The following UNC13B variants were observed in gnomAD, a reference collection of about 807,000 sequenced individuals.
The protein encoded by UNC13B is protein unc-13 homolog B.
UNC13B carries 144 observed loss-of-function variants against 211.0 expected under a neutral mutation model. The ratio of observed to expected loss-of-function variants is 0.68; its 90% CI spans 0.60 to 0.78. The LOEUF (loss-of-function observed/expected upper bound fraction) is 0.78, where lower values mean the gene tolerates loss of function less well. Ranked by LOEUF, UNC13B falls within the 30% of genes least tolerant of loss-of-function variation. UNC13B has a pLI of 0.00. For synonymous variants in UNC13B, 709 were observed against 725.8 expected (o/e 0.98, Z 0.37); for missense variants, 1,777 against 2,002.0 (o/e 0.89, Z 2.14).
chr9:35,381,505 G>A (rs1834833944), intron 19 of UNC13B, 51 bp from the exon 20 acceptor site: 2 of 1,556,264 alleles, frequency 1.3e-6, no homozygotes, highest in East Asian at 2.3e-5. Context: ...GTTTGTTTTT[G>A]TCTTTCATAT....
chr9:35,322,534 T>C (rs1830789656), intron 11 of UNC13B, among the ~76,000 whole-genome samples: 1 of 151,904 alleles, frequency 6.6e-6, no homozygotes, highest in Admixed American at 6.6e-5. Flanking sequence ...TCAGGAGAGG[T>C]AGGATTACAG....
chr9:35,201,232 G>A (rs1307665449), intron 1 of UNC13B, among the ~76,000 whole-genome samples: 1 of 152,154 alleles, frequency 6.6e-6, no homozygotes, highest in African/African-American at 2.4e-5. Flanking sequence ...GCTGGATTCG[G>A]TTTGCCAGTA....
intron 1 of UNC13B, among the ~76,000 whole-genome samples, chr9:35,225,187 G>T (rs941383941): frequency 1.5e-4 from 23 of 152,006 alleles, no homozygotes; most frequent in African/African-American, 5.1e-4. Context: ...TTGAGACAGG[G>T]TCTCACTCTG....
intron 11 of UNC13B, chr9:35,353,332 G>A: frequency 8.1e-7 from 1 of 1,232,162 alleles, no homozygotes; most frequent in Non-Finnish European, 1.0e-6. Context: ...TTCAGAAGCT[G>A]GAGAACAGTG....
intron 6 of UNC13B, among the ~76,000 whole-genome samples, chr9:35,246,186 G>A (rs1197349352): frequency 6.6e-6 from 1 of 151,734 alleles, no homozygotes; most frequent in East Asian, 1.9e-4. Context: ...TTGCCCACTT[G>A]TTGATGGGGT....
intron 22 of UNC13B, chr9:35,384,659 C>G: frequency 1.0e-6 from 1 of 985,380 alleles, no homozygotes; most frequent in South Asian, 4.7e-5. Context: ...AATTACATTT[C>G]TTTTTTGCAT....
rs377249279 is a variant in UNC13B at position 35,399,740 on chromosome 9, C to G, written c.12336+11C>G. 62 of 1,613,842 alleles carry G rather than the reference C, an allele frequency of 3.8e-5. No homozygotes were observed. In the African/African-American group the frequency reaches 7.5e-4, roughly 19 times the overall value. ...CTGGACACCATCAAGGTGGAGGCCC[C>G]CCCTTTTTCAGACAGTCTTAACCAC... On this transcript the variant is annotated intron_variant, in intron 36 of 39. Transcript: ENST00000635942.
intron 7 of UNC13B, among the ~76,000 whole-genome samples, chr9:35,279,102 G>A (rs939590843): frequency 6.6e-6 from 1 of 152,076 alleles, no homozygotes; most frequent in Non-Finnish European, 1.5e-5. Context: ...GTGACATTTA[G>A]TACATTCATA....
At chr9:35,388,908 C>G (rs1264896120) in intron 24 of UNC13B, among the ~76,000 whole-genome samples, 10 of 152,126 alleles carry the variant, frequency 6.6e-5, no homozygotes, top group African/African-American at 2.2e-4. Flanking sequence ...TTCAGAAATC[C>G]TTGAATGATA....
chr9:35,343,530 C>T (rs1927955), intron 11 of UNC13B, among the ~76,000 whole-genome samples: 24,693 of 152,098 alleles, frequency 0.16, 2,991 homozygotes, highest in African/African-American at 0.33. Context: ...CTTCTGTAGG[C>T]TGGGGCCTTG....
In UNC13B at chr9:35,386,163, AG is replaced by A; in HGVS notation, c.10966del. On this transcript the variant is annotated splice_acceptor_variant, in intron 23 of 39. Transcript: ENST00000635942. LOFTEE classifies it high-confidence loss of function. ...GCCCATATTTCTTCTTTTAATTGGCAGGTACAAGAACTGCAAAGCCCTCCAA... is the reference window on the plus strand; with the variant it reads ...GCCCATATTTCTTCTTTTAATTGGCAGTACAAGAACTGCAAAGCCCTCCAA... 6.2e-7 allele frequency: 1 copy of A among 1,614,070 alleles called. No homozygotes were observed. The highest frequency in any genetic ancestry group is 1.1e-5 in the South Asian group (1 of 91,072).
intron 3 of UNC13B, among the ~76,000 whole-genome samples, chr9:35,232,177 C>CT (rs547048403): frequency 0.016 from 489 of 31,540 alleles, 109 homozygotes; most frequent in African/African-American, 0.03. Flanking sequence ...TATATTGCTG[C>CT]TTTTTTTTTT....
chr9:35,251,825 TG>T lies in UNC13B; in HGVS notation c.469-7167del, dbSNP rs1374591571. Among the ~76,000 whole-genome samples the T allele has an allele frequency of 7.2e-5, 11 of 152,316 alleles. No homozygotes were observed. The East Asian group carries it at 2.1e-3, about 29-fold the overall frequency. On this transcript the variant is annotated intron_variant, in intron 6 of 39. Transcript: ENST00000635942. The stretch of plus-strand genomic sequence containing the variant: ...GCCAGATAAGATGTGCCCATTTGGC[TG>T]TCATGTCTCTTAAATCATTTTACTT...
chr9:35,400,443 G>C lies in UNC13B; in HGVS notation c.12484G>C (p.Gly4162Arg). The change falls in exon 37 of 40, where the codon GGG becomes CGG. Residue 4162 changes from glycine (G) to arginine (R), a missense_variant and splice_region_variant. Coordinates refer to ENST00000635942, the MANE Select transcript of UNC13B (RefSeq NM_001371189.2). ...KTFVRSQTTQ[G>R]SGVDDPVGEV... Reference sequence around the variant, plus strand: ...CTTTGTGCGCTCGCAGACCACCCAAGGTAAGGCCCTGAGGGCTTTGGGTAT... The same window carrying C: ...CTTTGTGCGCTCGCAGACCACCCAACGTAAGGCCCTGAGGGCTTTGGGTAT... The C allele has an allele frequency of 6.2e-7, 1 of 1,612,536 alleles. No homozygotes were observed. Among genetic ancestry groups the C allele is most frequent in the Non-Finnish European group, 8.5e-7 (1 of 1,179,262 alleles).
chr9:35,331,358 G>A (rs1222345724), intron 11 of UNC13B, among the ~76,000 whole-genome samples: 2 of 152,070 alleles, frequency 1.3e-5, no homozygotes, highest in African/African-American at 4.8e-5. Context: ...AGCGATTCTT[G>A]TGCCTTAGCC....
chr9:35,247,259 A>G (rs968356819), intron 6 of UNC13B, among the ~76,000 whole-genome samples: 3 of 152,194 alleles, frequency 2.0e-5, no homozygotes, highest in African/African-American at 7.2e-5. Flanking sequence ...TTGGGCTGAG[A>G]CAGTGGGGTT....
At chr9:35,248,945 T>G (rs902603792) in intron 6 of UNC13B, among the ~76,000 whole-genome samples, 2 of 152,182 alleles carry the variant, frequency 1.3e-5, no homozygotes, top group Non-Finnish European at 2.9e-5. Flanking sequence ...TGTCTATTGT[T>G]GACAGTGGGT....
At position 35,183,437 on chromosome 9, in the gene UNC13B, C is replaced by T. The variant is rs534870025; in HGVS notation, c.22+21132C>T. On this transcript the variant is annotated intron_variant, in intron 1 of 39. Transcript: ENST00000635942. Reference sequence around the variant, plus strand: ...CCCAACCTCCCAGATGAAGGGCGGCCGGGCAGAGGAGCCCCTCACCTCCCA... The same window carrying T: ...CCCAACCTCCCAGATGAAGGGCGGCTGGGCAGAGGAGCCCCTCACCTCCCA... Among the ~76,000 whole-genome samples, 6 of 127,358 alleles carry T rather than the reference C, an allele frequency of 4.7e-5. 1 individual carries two copies. The highest frequency in any genetic ancestry group is 4.1e-4 in the Admixed American group (5 of 12,282). The allele number at this position is 127,358 out of a possible 152,430, so 83.6% of individuals were successfully genotyped here. A position where few individuals can be genotyped will look rare whatever the true frequency, so the allele number is the denominator to read the frequency against.
intron 1 of UNC13B, among the ~76,000 whole-genome samples, chr9:35,210,384 G>A (rs937055918): frequency 6.6e-6 from 1 of 152,154 alleles, no homozygotes; most frequent in Admixed American, 6.5e-5. Flanking sequence ...AAGCTGATGG[G>A]TACTACAGTT....
Sources: allele counts gnomAD v4.1 joint callset (sites outside exome capture counted in the v4.1 genomes callset), GRCh38; gene constraint gnomAD v4.1.1; transcripts MANE v1.5; gene names NCBI Gene and HGNC (gene_info 2026-07-23, HGNC 2026-07-21).